CIT: variants seen among roughly 807,000 people sequenced by gnomAD.
CIT encodes citron rho-interacting serine/threonine kinase.
In CIT, 79 loss-of-function variants were observed where a neutral mutation model predicts 272.7. The ratio of observed to expected loss-of-function variants is 0.29; its 90% confidence interval spans 0.24 to 0.35. The LOEUF is 0.35. Ranked by LOEUF, CIT falls within the 10% of genes least tolerant of loss-of-function variation. The pLI is 1.00. For synonymous variants in CIT, 948 were observed against 995.6 expected (o/e 0.95, Z 0.90); for missense variants, 1,909 against 2,618.3 (o/e 0.73, Z 5.91).
chr12:119,792,190 T>C (rs1383677791), intron 10 of CIT, among the ~76,000 whole-genome samples: 2 of 152,198 alleles, frequency 1.3e-5, no homozygotes, highest in East Asian at 1.9e-4. Context: ...CCCTTAGGAA[T>C]AGGACCCTAT....
chr12:119,702,012 G>A (rs1593395707), intron 41 of CIT, 54 bp from the exon 42 acceptor site: 2 of 1,334,036 alleles, frequency 1.5e-6, no homozygotes, highest in East Asian at 2.3e-5. Context: ...GGGCAGCCAA[G>A]GTCCACAGCT....
At chr12:119,730,677 A>C (rs1593507618) in intron 26 of CIT, 47 bp from the exon 27 acceptor site, 3 of 1,575,460 alleles carry the variant, frequency 1.9e-6, no homozygotes, top group Non-Finnish European at 1.7e-6. Context: ...CCAACAGCTG[A>C]CCTGCGGAAA....
At chr12:119,835,650 A>G (rs527605464) in intron 5 of CIT, among the ~76,000 whole-genome samples, 1 of 152,272 alleles carries the variant, frequency 6.6e-6, no homozygotes, top group East Asian at 1.9e-4. Flanking sequence ...CCAAAAGCCA[A>G]CTCGGGGATG....
chr12:119,857,167 G>T (rs540451698), intron 4 of CIT, among the ~76,000 whole-genome samples: 1 of 152,154 alleles, frequency 6.6e-6, no homozygotes. Flanking sequence ...AATACCTAAA[G>T]CGTGTACAAA....
chr12:119,690,466 A>G lies in CIT; in HGVS notation c.5883-12T>C. On this transcript the variant is annotated splice_polypyrimidine_tract_variant and intron_variant, in intron 46 of 47. Coordinates refer to ENST00000392521, the MANE Select transcript of CIT (RefSeq NM_001206999.2). The surrounding 1 kb of genome is among the most constrained non-coding windows in gnomAD (Gnocchi z 6.0). ...GCTTGTTGGGGCTGCTGGCGACACAAGAGGAACGTAGGGAGCTGCGAGGCC... is the reference window on the plus strand; with the variant it reads ...GCTTGTTGGGGCTGCTGGCGACACAGGAGGAACGTAGGGAGCTGCGAGGCC... 6.4e-7 allele frequency: 1 copy of G among 1,572,508 alleles called. No homozygotes were observed. Among genetic ancestry groups the G allele is most frequent in the Non-Finnish European group, 8.6e-7 (1 of 1,168,846 alleles).
chr12:119,871,497 C>T (rs978629826), intron 2 of CIT, among the ~76,000 whole-genome samples: 1 of 152,012 alleles, frequency 6.6e-6, no homozygotes, highest in African/African-American at 2.4e-5. Flanking sequence ...GGTCCTATGC[C>T]CCCCTCCCCC....
intron 17 of CIT, among the ~76,000 whole-genome samples, chr12:119,771,483 G>C (rs1365089627): frequency 6.6e-6 from 1 of 152,130 alleles, no homozygotes; most frequent in Non-Finnish European, 1.5e-5. Context: ...CCCAAGAGAA[G>C]CCTGGAATGG....
intron 8 of CIT, 31 bp downstream of exon 8, chr12:119,825,134 G>T: frequency 6.3e-7 from 1 of 1,584,288 alleles, no homozygotes; most frequent in Non-Finnish European, 8.6e-7. Flanking sequence ...GTTTCTCAAT[G>T]TGACTTCGAA....
intron 13 of CIT, among the ~76,000 whole-genome samples, chr12:119,777,998 T>C (rs1033049111): frequency 5.3e-5 from 8 of 152,150 alleles, no homozygotes; most frequent in African/African-American, 1.9e-4. Context: ...TTCTGGAAGG[T>C]GAAACTCATC....
At chr12:119,698,839 CTTTTT>C (rs1207159073) in intron 44 of CIT, among the ~76,000 whole-genome samples, 1 of 152,006 alleles carries the variant, frequency 6.6e-6, no homozygotes, top group Non-Finnish European at 1.5e-5. Flanking sequence ...CTCATATGAG[CTTTTT>C]TTTCTTTGGA....
chr12:119,785,710 G>A (rs1349401278), intron 10 of CIT, among the ~76,000 whole-genome samples: 1 of 152,158 alleles, frequency 6.6e-6, no homozygotes, highest in Non-Finnish European at 1.5e-5. Context: ...CTCCTGAGTA[G>A]TTGGGATTAC....
intron 23 of CIT, among the ~76,000 whole-genome samples, chr12:119,744,107 T>G (rs1025529113): frequency 3.3e-5 from 5 of 152,194 alleles, no homozygotes; most frequent in African/African-American, 1.2e-4. Context: ...AAGGTACTGT[T>G]ACTGTCATTC....
intron 7 of CIT, among the ~76,000 whole-genome samples, chr12:119,829,140 T>C (rs1450316432): frequency 6.6e-6 from 1 of 152,012 alleles, no homozygotes; most frequent in Non-Finnish European, 1.5e-5. Flanking sequence ...CCCCTTTCCA[T>C]AAAATGCTTC....
intron 9 of CIT, among the ~76,000 whole-genome samples, chr12:119,807,456 T>A (rs550152878): frequency 1.3e-5 from 2 of 151,850 alleles, no homozygotes; most frequent in Admixed American, 1.3e-4. Flanking sequence ...TTTTTGATCC[T>A]TACAAAATGT....
At chr12:119,760,798 G>C in intron 20 of CIT, 141 bp downstream of exon 20, 1 of 687,066 alleles carries the variant, frequency 1.5e-6, no homozygotes, top group Admixed American at 2.3e-5. Context: ...CAGTTTCAGA[G>C]AAAGCCTCCT....
intron 3 of CIT, among the ~76,000 whole-genome samples, chr12:119,859,678 A>G (rs1489093551): frequency 2.6e-5 from 4 of 151,996 alleles, no homozygotes; most frequent in Admixed American, 2.0e-4. Context: ...TTAGCTGCAC[A>G]CAAGCGGCCG....
rs918897783 is a variant in CIT at position 119,804,414 on chromosome 12, C to G, written c.1112-1025G>C. 3.0e-6 allele frequency: 3 copies of G among 985,614 alleles called. No individual in the cohort carries two copies. Among genetic ancestry groups the G allele is most frequent in the African/African-American group, 1.7e-5 (1 of 57,248 alleles). 61.1% of individuals were successfully genotyped at this position (985,614 alleles called of 1,614,324 possible). A position where few individuals can be genotyped will look rare whatever the true frequency, so the allele number is the denominator to read the frequency against. On this transcript the variant is annotated intron_variant, in intron 9 of 47. Coordinates refer to ENST00000392521, the MANE Select transcript of CIT (RefSeq NM_001206999.2). The surrounding 1 kb of genome is among the most constrained non-coding windows in gnomAD (Gnocchi z 5.3). ...CCCCGCAGTGCAGGCTGCATGCTCC[C>G]GGCTCCGTGCGTGCGTGCTCTGGCT...
intron 44 of CIT, among the ~76,000 whole-genome samples, chr12:119,698,605 A>G (rs1296777550): frequency 6.6e-6 from 1 of 151,870 alleles, no homozygotes. Context: ...AAAAAAAAAA[A>G]AATTATAATA....
chr12:119,830,240 G>C (rs190505575), intron 7 of CIT, among the ~76,000 whole-genome samples: 8 of 151,624 alleles, frequency 5.3e-5, no homozygotes, highest in Admixed American at 5.3e-4. Context: ...ATATTCTCAA[G>C]TGTGTGGTAT....
Sources: allele counts gnomAD v4.1 joint callset (sites outside exome capture counted in the v4.1 genomes callset), GRCh38; gene constraint gnomAD v4.1.1; non-coding constraint Gnocchi (gnomAD v3.1); transcripts MANE v1.5; gene names NCBI Gene and HGNC (gene_info 2026-07-23, HGNC 2026-07-21).